SORL1: variants seen among roughly 807,000 people sequenced by gnomAD.
SORL1 encodes the protein sortilin related receptor 1.
In SORL1, 127 loss-of-function variants were observed where a neutral mutation model predicts 273.7. The observed-to-expected ratio is 0.46, with a 90% confidence interval of 0.40 to 0.54. SORL1 has a LOEUF of 0.54. SORL1 is among the 20% of genes least tolerant of loss of function. The pLI, the probability that SORL1 is intolerant of heterozygous loss-of-function variation, is 0.00. For synonymous variants in SORL1, 1,031 were observed against 1,067.4 expected (o/e 0.97, Z 0.66); for missense variants, 2,494 against 2,846.1 (o/e 0.88, Z 2.81).
rs201131034 is a variant in SORL1, at chr11:121,591,104, C to T, written c.4317C>T (p.Asp1439=). ...GCGTGATGGACACCTGGGTGTGCGACGGGTACCGAGATTGTGCAGATGGCT... is the reference window on the plus strand; with the variant it reads ...GCGTGATGGACACCTGGGTGTGCGATGGGTACCGAGATTGTGCAGATGGCT... ...GTCVMDTWVC[D]GYRDCADGSD... is the part of the protein sequence containing the mutation. Residue 1439 remains aspartate (D), a synonymous_variant, in exon 31 of 48, where the codon GAC becomes GAT. Coordinates refer to ENST00000260197, the MANE Select transcript of SORL1 (RefSeq NM_003105.6). 66 of 1,614,226 alleles carry T rather than the reference C, an allele frequency of 4.1e-5. No homozygotes were observed. The highest frequency in any genetic ancestry group is 3.3e-4 in the East Asian group (15 of 44,886).
Position 121,627,675 on chromosome 11 carries a change from A to G in SORL1, c.6485A>G (p.His2162Arg). ...GGGTTTGCCATCCTGTACACGAAGC[A>G]CCGGAGGCTGCAGAGCAGCTTCACC... is the stretch of plus-strand genomic sequence containing the variant. Reference protein sequence around the residue: ...GVGFAILYTKHRRLQSSFTAF... With the variant: ...GVGFAILYTKRRRLQSSFTAF... The change falls in exon 47 of 48, where the codon CAC becomes CGC. Residue 2162 changes from histidine (H) to arginine (R), a missense_variant. Physicochemically the swap from His to Arg is conservative, Grantham distance 29 (BLOSUM62 0). Around this residue, in one of 3 missense-constraint regions of SORL1, gnomAD observed 1,609 missense variants for 1,816.4 expected, o/e 0.89. Coordinates refer to ENST00000260197, the MANE Select transcript of SORL1 (RefSeq NM_003105.6). The surrounding 1 kb of genome is among the most constrained non-coding windows in gnomAD (Gnocchi z 4.9). The G allele has an allele frequency of 1.2e-6, 2 of 1,614,152 alleles. No individual in the cohort carries two copies. Among genetic ancestry groups the G allele is most frequent in the Non-Finnish European group, 1.7e-6 (2 of 1,180,010 alleles).
intron 3 of SORL1, among the ~76,000 whole-genome samples, chr11:121,478,689 C>T (rs536884416): frequency 1.1e-4 from 17 of 150,768 alleles, no homozygotes; most frequent in South Asian, 1.1e-3. Context: ...TACCTGTGTG[C>T]GTGTGGGTAC....
chr11:121,487,553 T>C (rs60228070), intron 3 of SORL1, among the ~76,000 whole-genome samples: 17,377 of 152,156 alleles, frequency 0.11, 1,029 homozygotes, highest in East Asian at 0.14. Flanking sequence ...ATGGAAGTGA[T>C]TTTAGTGCTT....
At chr11:121,519,413 T>TC (rs1491583038) in intron 8 of SORL1, among the ~76,000 whole-genome samples, 3 of 142,468 alleles carry the variant, frequency 2.1e-5, no homozygotes, top group Admixed American at 1.4e-4. Context: ...TCTCTCTCTC[T>TC]TTTTTTTTTT....
At chr11:121,511,144 A>G (rs1027357949) in intron 6 of SORL1, among the ~76,000 whole-genome samples, 1 of 152,142 alleles carries the variant, frequency 6.6e-6, no homozygotes, top group Non-Finnish European at 1.5e-5. Context: ...TTTAGGAATA[A>G]TTCTCCAAGA....
intron 16 of SORL1, among the ~76,000 whole-genome samples, chr11:121,551,182 T>G (rs191634932): frequency 1.7e-4 from 26 of 152,326 alleles, no homozygotes; most frequent in Admixed American, 1.6e-3. Context: ...CAATTTTGTT[T>G]TTTACTTTTT....
At position 121,595,391 on chromosome 11, in the gene SORL1, G is replaced by A. The variant is rs1001892435; in HGVS notation, c.4370-232G>A. Among the ~76,000 whole-genome samples the A allele has an allele frequency of 3.9e-5, 6 of 152,220 alleles. No homozygotes were observed. The South Asian group carries it at 1.0e-3, about 26-fold the overall frequency. Reference sequence around the variant, plus strand: ...CCCAAATCTCATTATCCATGTCCTCGTGGATTTAGGTCTTTGAAAACAATC... The same window carrying A: ...CCCAAATCTCATTATCCATGTCCTCATGGATTTAGGTCTTTGAAAACAATC... On this transcript the variant is annotated intron_variant, in intron 31 of 47. Coordinates refer to ENST00000260197, the MANE Select transcript of SORL1 (RefSeq NM_003105.6). This position sits in a 1 kb window ranked among gnomAD's most constrained non-coding sequence, Gnocchi z 5.1.
At chr11:121,495,607 T>C (rs1013943004) in intron 5 of SORL1, among the ~76,000 whole-genome samples, 11 of 152,340 alleles carry the variant, frequency 7.2e-5, no homozygotes, top group African/African-American at 2.4e-4. Context: ...TACAAGACTA[T>C]CTTCCCGACT....
At chr11:121,522,533 A>G in intron 9 of SORL1, 53 bp from the exon 10 acceptor site, 1 of 1,333,626 alleles carries the variant, frequency 7.5e-7, no homozygotes. Flanking sequence ...GTTTACAGGG[A>G]ACGCTAGGCA....
At chr11:121,479,010 G>A (rs1159900716) in intron 3 of SORL1, among the ~76,000 whole-genome samples, 5 of 151,888 alleles carry the variant, frequency 3.3e-5, no homozygotes, top group African/African-American at 1.2e-4. Flanking sequence ...GCATGCTTGT[G>A]TGCACGTGGG....
chr11:121,452,740 T>A lies in SORL1; in HGVS notation c.285+124T>A. The A allele has an allele frequency of 1.2e-6, 1 of 860,414 alleles. No homozygotes were observed. Among genetic ancestry groups the A allele is most frequent in the Non-Finnish European group, 1.6e-6 (1 of 611,328 alleles). The allele number at this position is 860,414 out of a possible 1,614,324, so 53.3% of individuals were successfully genotyped here. A position where few individuals can be genotyped will look rare whatever the true frequency, so the allele number is the denominator to read the frequency against. On this transcript the variant is annotated intron_variant, in intron 1 of 47. Coordinates refer to ENST00000260197, the MANE Select transcript of SORL1 (RefSeq NM_003105.6). This position sits in a 1 kb window ranked among gnomAD's most constrained non-coding sequence, Gnocchi z 5.3. ...ACCACTGGGGACTTCCCGGCTTGCA[T>A]TTGTTTTTTTCCTTCACGAGTACAA...
In SORL1 at chr11:121,513,081, T is replaced by A; in HGVS notation, c.1018T>A (p.Phe340Ile). ...CCGGAAGCCCATGAGAGCAGCCCAGTTTGTCACAAGACATCCTATTAATGT... is the reference window on the plus strand; with the variant it reads ...CCGGAAGCCCATGAGAGCAGCCCAGATTGTCACAAGACATCCTATTAATGT... ...FGRKPMRAAQ[F>I]VTRHPINEYY... Residue 340 changes from phenylalanine to isoleucine, a missense_variant, in exon 7 of 48, where the codon TTT becomes ATT. Phe to Ile is a conservative substitution (Grantham distance 21). This residue lies in a region of SORL1 where 710 missense variants were observed against 882.5 expected (regional missense o/e 0.80). Coordinates refer to ENST00000260197, the MANE Select transcript of SORL1 (RefSeq NM_003105.6). The A allele has an allele frequency of 6.2e-7, 1 of 1,613,700 alleles. No homozygotes were observed.
Position 121,630,697 on chromosome 11 carries a change from T to C in SORL1, c.*1134T>C, listed in dbSNP as rs10790449. 57,105 of 152,046 alleles carry C rather than the reference T, an allele frequency of 0.38. 12,588 individuals carry two copies. Among genetic ancestry groups the C allele is most frequent in the East Asian group, 0.57 (2,965 of 5,158 alleles). 9.4% of individuals were successfully genotyped at this position (152,046 alleles called of 1,614,324 possible). ...CAATCTAAAGAGACAGTGCTGTACATTCTCATAGAGATAGAGAAGATCTAA... is the reference window on the plus strand; with the variant it reads ...CAATCTAAAGAGACAGTGCTGTACACTCTCATAGAGATAGAGAAGATCTAA... On this transcript the variant is annotated 3_prime_UTR_variant, in exon 48 of 48. Transcript: ENST00000260197.
intron 1 of SORL1, among the ~76,000 whole-genome samples, chr11:121,466,436 C>T (rs1315598382): frequency 6.6e-6 from 1 of 152,134 alleles, no homozygotes; most frequent in East Asian, 1.9e-4. Flanking sequence ...GTAAAGGGAT[C>T]TAGGGACCTG....
intron 6 of SORL1, among the ~76,000 whole-genome samples, chr11:121,509,019 C>G (rs1451276970): frequency 1.3e-5 from 2 of 152,164 alleles, no homozygotes; most frequent in Non-Finnish European, 1.5e-5. Flanking sequence ...TATTACTTAC[C>G]TACATTTGCC....
chr11:121,625,468 A>T (rs565646916), intron 46 of SORL1, among the ~76,000 whole-genome samples, 191 bp downstream of exon 46: 1 of 152,234 alleles, frequency 6.6e-6, no homozygotes, highest in South Asian at 2.1e-4. Flanking sequence ...AACATGGTAC[A>T]GGAAGCTGAG....
rs76068112 is a variant in SORL1 at position 121,484,550 on chromosome 11, G to A, written c.529-3482G>A. Among the ~76,000 whole-genome samples, 254 of 152,244 alleles carry A rather than the reference G, an allele frequency of 1.7e-3. 1 individual carries two copies. Among genetic ancestry groups the A allele is most frequent in the Admixed American group, 0.012 (178 of 15,296 alleles). ...AAACCCATCTCTGCTTGTGAGTAGTGGGGCTGGGAGAAGGCATAGCAGGCA... is the reference window on the plus strand; with the variant it reads ...AAACCCATCTCTGCTTGTGAGTAGTAGGGCTGGGAGAAGGCATAGCAGGCA... On this transcript the variant is annotated intron_variant, in intron 3 of 47. Coordinates refer to ENST00000260197, the MANE Select transcript of SORL1 (RefSeq NM_003105.6).
At chr11:121,580,952 G>A (rs113778190) in intron 25 of SORL1, among the ~76,000 whole-genome samples, 1,459 of 137,744 alleles carry the variant, frequency 0.011, 26 homozygotes, top group African/African-American at 0.037. Flanking sequence ...GGTCTCTGTC[G>A]CCCAGGCTAG....
intron 8 of SORL1, among the ~76,000 whole-genome samples, chr11:121,518,406 G>A (rs920762357): frequency 2.0e-5 from 3 of 152,172 alleles, no homozygotes; most frequent in Admixed American, 2.0e-4. Flanking sequence ...TGGTGAAGGA[G>A]CATGTGAGGT....
Sources: allele counts gnomAD v4.1 joint callset (sites outside exome capture counted in the v4.1 genomes callset), GRCh38; gene constraint gnomAD v4.1.1; regional missense constraint gnomAD v4.1.1; non-coding constraint Gnocchi (gnomAD v3.1); transcripts MANE v1.5; gene names NCBI Gene and HGNC (gene_info 2026-07-23, HGNC 2026-07-21).